The following DPP10 variants were observed in gnomAD, a reference collection of about 807,000 sequenced individuals.
DPP10 encodes dipeptidyl peptidase like 10.
In DPP10, 33 loss-of-function variants were observed where a neutral mutation model predicts 120.9. That is an observed-to-expected ratio of 0.27 (90% CI 0.21 to 0.37). DPP10 has a LOEUF of 0.37. DPP10 is among the 10% of genes least tolerant of loss of function. The pLI is 1.00. For synonymous variants in DPP10, 337 were observed against 326.1 expected (o/e 1.03, Z -0.36); for missense variants, 816 against 942.8 (o/e 0.87, Z 1.76).
At chr2:114,462,224 C>T (rs1430358478) in intron 1 of DPP10, 1 of 819,912 alleles carries the variant, frequency 1.2e-6, no homozygotes, top group Non-Finnish European at 1.5e-6. Flanking sequence ...TTTACAGAGC[C>T]GTATATACCA....
chr2:114,934,025 A>G (rs1440774272), intron 1 of DPP10, among the ~76,000 whole-genome samples: 1 of 152,194 alleles, frequency 6.6e-6, no homozygotes, highest in Non-Finnish European at 1.5e-5. Context: ...CGTTCTGCCT[A>G]CTAATGCTAT....
chr2:114,868,338 CT>C (rs11310018), intron 1 of DPP10, among the ~76,000 whole-genome samples: 79,934 of 151,942 alleles, frequency 0.53, 21,295 homozygotes, highest in East Asian at 0.7. Flanking sequence ...AAAAGTAGAA[CT>C]TTTTGGGACC....
intron 3 of DPP10, among the ~76,000 whole-genome samples, chr2:115,364,174 T>G (rs1293643370): frequency 6.6e-6 from 1 of 152,142 alleles, no homozygotes; most frequent in Non-Finnish European, 1.5e-5. Flanking sequence ...TTTGGCCAAC[T>G]TTTTTCACCA....
chr2:114,920,370 C>T (rs951076785), intron 1 of DPP10, among the ~76,000 whole-genome samples: 14 of 152,112 alleles, frequency 9.2e-5, no homozygotes, highest in South Asian at 6.2e-4. Context: ...AAAAGCACTC[C>T]GAGGCTGGCA....
chr2:115,738,030 C>T (rs1401414489), intron 8 of DPP10, among the ~76,000 whole-genome samples: 2 of 152,170 alleles, frequency 1.3e-5, no homozygotes, highest in Non-Finnish European at 2.9e-5. Flanking sequence ...CATACAGCAG[C>T]ATTCAACCAT....
At chr2:114,497,403 A>ATC (rs1321221385) in intron 1 of DPP10, among the ~76,000 whole-genome samples, 10 of 123,864 alleles carry the variant, frequency 8.1e-5, no homozygotes, top group African/African-American at 2.4e-4. Context: ...ATACATATAC[A>ATC]TATACACATA....
chr2:114,756,446 T>G (rs1352013582), intron 1 of DPP10, among the ~76,000 whole-genome samples: 3 of 152,216 alleles, frequency 2.0e-5, no homozygotes. Context: ...TAATTAGTTA[T>G]GCCTAGATAA....
intron 2 of DPP10, among the ~76,000 whole-genome samples, chr2:115,315,998 C>T (rs1461334057): frequency 6.6e-6 from 1 of 152,062 alleles, no homozygotes; most frequent in Non-Finnish European, 1.5e-5. Flanking sequence ...CCCTTAGTTA[C>T]TCTCATAATG....
At chr2:115,787,760 G>A (rs928453826) in intron 17 of DPP10, among the ~76,000 whole-genome samples, 1 of 152,064 alleles carries the variant, frequency 6.6e-6, no homozygotes, top group Non-Finnish European at 1.5e-5. Flanking sequence ...AACCACACTA[G>A]CGCACATCAT....
rs568160959 is a variant in DPP10 at position 115,803,067 on chromosome 2, A to C, written c.1700+11711A>C. ...CCCATTATTATTGTGTGGGATTCTA[A>C]GTCTCTTTGTAGGTCACTAAGGACT... On this transcript the variant is annotated intron_variant, in intron 19 of 25. Transcript: ENST00000410059. 5.2e-3 allele frequency among the ~76,000 whole-genome samples: 795 copies of C among 152,284 alleles called. 8 individuals carry two copies. The highest frequency in any genetic ancestry group is 9.7e-3 in the Non-Finnish European group (660 of 68,018).
intron 3 of DPP10, among the ~76,000 whole-genome samples, chr2:115,385,595 A>C (rs1311335105): frequency 6.6e-6 from 1 of 152,084 alleles, no homozygotes; most frequent in Admixed American, 6.6e-5. Context: ...GACATCAGGT[A>C]ATCCTCCTGC....
chr2:114,514,268 T>C (rs1684410391), intron 1 of DPP10, among the ~76,000 whole-genome samples: 1 of 152,162 alleles, frequency 6.6e-6, no homozygotes, highest in African/African-American at 2.4e-5. Flanking sequence ...ACCAACCCTG[T>C]GATGTACACA....
At chr2:115,537,900 T>C (rs1385631907) in intron 5 of DPP10, among the ~76,000 whole-genome samples, 2 of 151,924 alleles carry the variant, frequency 1.3e-5, no homozygotes, top group Non-Finnish European at 1.5e-5. Context: ...GGCTGGCAAG[T>C]TGATACCAGT....
chr2:115,364,503 T>A (rs140329588), intron 3 of DPP10, among the ~76,000 whole-genome samples: 2 of 152,188 alleles, frequency 1.3e-5, no homozygotes, highest in Non-Finnish European at 2.9e-5. Flanking sequence ...CATGTCTTTT[T>A]TACATGATAC....
chr2:115,403,725 G>A (rs948921413), intron 3 of DPP10, among the ~76,000 whole-genome samples: 6 of 151,972 alleles, frequency 3.9e-5, no homozygotes, highest in African/African-American at 1.4e-4. Context: ...CTTTGATAAA[G>A]TACTAGAAAT....
chr2:115,473,589 A>T (rs545956746), intron 3 of DPP10, among the ~76,000 whole-genome samples: 1 of 152,170 alleles, frequency 6.6e-6, no homozygotes, highest in Non-Finnish European at 1.5e-5. Flanking sequence ...ATAAACTTCA[A>T]TGGCTCCAGG....
At chr2:114,690,392 T>C (rs1382513361) in intron 1 of DPP10, among the ~76,000 whole-genome samples, 1 of 152,060 alleles carries the variant, frequency 6.6e-6, no homozygotes, top group Non-Finnish European at 1.5e-5. Context: ...CAGATGGGTG[T>C]AGGTGTGCAG....
chr2:115,542,379 T>C (rs181522887), intron 5 of DPP10, among the ~76,000 whole-genome samples: 1 of 152,098 alleles, frequency 6.6e-6, no homozygotes, highest in African/African-American at 2.4e-5. Context: ...CATAATGCCC[T>C]TAAGTTCCAT....
At chr2:115,219,176 A>C (rs747341056) in intron 1 of DPP10, among the ~76,000 whole-genome samples, 9 of 152,138 alleles carry the variant, frequency 5.9e-5, no homozygotes, top group African/African-American at 2.4e-5. Context: ...TTTCATCCCA[A>C]GATGGTAAAC....
Sources: allele counts gnomAD v4.1 joint callset (sites outside exome capture counted in the v4.1 genomes callset), GRCh38; gene constraint gnomAD v4.1.1; transcripts MANE v1.5; gene names NCBI Gene and HGNC (gene_info 2026-07-23, HGNC 2026-07-21).